ERC2: variants seen among roughly 807,000 people sequenced by gnomAD.
ERC2 encodes ERC protein 2.
A neutral mutation model predicts 114.8 loss-of-function variants in ERC2; 42 were observed. The ratio of observed to expected loss-of-function variants is 0.37; its 90% CI spans 0.29 to 0.47. ERC2 has a LOEUF of 0.47. Ranked by LOEUF, ERC2 falls within the 20% of genes least tolerant of loss-of-function variation. The pLI is 0.99. For missense variants in ERC2, 939 were observed against 1,150.7 expected (o/e 0.82, Z 2.66); for synonymous variants, 454 against 425.5 (o/e 1.07, Z -0.82).
At chr3:55,876,814 G>A (rs984376273) in intron 14 of ERC2, among the ~76,000 whole-genome samples, 1 of 152,176 alleles carries the variant, frequency 6.6e-6, no homozygotes, top group Non-Finnish European at 1.5e-5. Context: ...TCCATCCCCT[G>A]AGGATTTGAA....
chr3:56,066,249 T>A (rs2076476953), intron 7 of ERC2, among the ~76,000 whole-genome samples: 1 of 152,220 alleles, frequency 6.6e-6, no homozygotes, highest in African/African-American at 2.4e-5. Context: ...CTAACCGGCA[T>A]GAGATGGTAG....
chr3:55,583,544 TCTTCCTTCCTTCCTTCCTTCCTTCCTTC>T (rs377125700), intron 17 of ERC2, among the ~76,000 whole-genome samples: 2 of 39,028 alleles, frequency 5.1e-5, no homozygotes, highest in Admixed American at 2.6e-4. Flanking sequence ...TTCCTTCCTT[TCTTCCTTCCTTCCTTCCTTCCTTCCTTC>T]CTTCCTTCCT....
At chr3:56,369,709 G>A (rs901799943) in intron 2 of ERC2, among the ~76,000 whole-genome samples, 2 of 149,674 alleles carry the variant, frequency 1.3e-5, no homozygotes, top group Non-Finnish European at 3.0e-5. Context: ...ACGGAGTCTC[G>A]CTCTTTTGCC....
chr3:56,287,827 A>G (rs1454281350), intron 3 of ERC2, among the ~76,000 whole-genome samples: 1 of 152,162 alleles, frequency 6.6e-6, no homozygotes, highest in Admixed American at 6.5e-5. Context: ...CAAGGCCTCA[A>G]CTTCCCCACC....
intron 12 of ERC2, among the ~76,000 whole-genome samples, chr3:55,979,950 T>C (rs75616908): frequency 1.0e-4 from 15 of 148,438 alleles, no homozygotes; most frequent in South Asian, 4.2e-4. Flanking sequence ...CTCTTCTTCT[T>C]TTTTTTTCTT....
At chr3:55,767,344 C>G (rs2067873507) in intron 14 of ERC2, among the ~76,000 whole-genome samples, 1 of 152,176 alleles carries the variant, frequency 6.6e-6, no homozygotes, top group African/African-American at 2.4e-5. Flanking sequence ...TCCAAAGTGG[C>G]ATGTTTCAGA....
chr3:56,412,834 A>ATATATACTAATATATAT (rs1444300975), intron 2 of ERC2, among the ~76,000 whole-genome samples: 1 of 152,232 alleles, frequency 6.6e-6, no homozygotes, highest in Non-Finnish European at 1.5e-5. Context: ...ATTTTATTCT[A>ATATATACTAATATATAT]ATATCTACTT....
At chr3:56,264,023 A>C (rs1232827455) in intron 3 of ERC2, among the ~76,000 whole-genome samples, 2 of 152,216 alleles carry the variant, frequency 1.3e-5, no homozygotes, top group East Asian at 3.8e-4. Context: ...AATGTGATAC[A>C]TCACATTAAC....
At chr3:56,270,393 TGGTTGTTAAA>T in intron 3 of ERC2, among the ~76,000 whole-genome samples, 1 of 152,202 alleles carries the variant, frequency 6.6e-6, no homozygotes, top group Admixed American at 6.5e-5. Context: ...AGAATGTGTA[TGGTTGTTAAA>T]TATTAAATTC....
chr3:56,395,479 G>A (rs1316278073), intron 2 of ERC2, among the ~76,000 whole-genome samples: 1 of 152,142 alleles, frequency 6.6e-6, no homozygotes, highest in Non-Finnish European at 1.5e-5. Context: ...CCCAATGCTG[G>A]AGGTGGGGTC....
intron 2 of ERC2, among the ~76,000 whole-genome samples, chr3:56,310,762 C>G (rs1484028991): frequency 6.6e-6 from 1 of 152,134 alleles, no homozygotes; most frequent in East Asian, 1.9e-4. Flanking sequence ...CACCTGGGAT[C>G]TTGTCAGAAA....
chr3:55,799,348 C>T (rs955843507), intron 14 of ERC2, among the ~76,000 whole-genome samples: 12 of 146,788 alleles, frequency 8.2e-5, no homozygotes, highest in Admixed American at 2.0e-4. Context: ...GGTATTCTTC[C>T]AGGACCACAA....
intron 15 of ERC2, among the ~76,000 whole-genome samples, chr3:55,701,564 T>C (rs1254371214): frequency 6.6e-6 from 1 of 152,122 alleles, no homozygotes; most frequent in Admixed American, 6.5e-5. Context: ...AAACTGTCTA[T>C]ATGAATAAAA....
intron 4 of ERC2, among the ~76,000 whole-genome samples, chr3:56,170,269 G>A (rs985712726): frequency 6.6e-6 from 1 of 152,194 alleles, no homozygotes; most frequent in Non-Finnish European, 1.5e-5. Context: ...TGCAGTGGAT[G>A]TAATGTCTGC....
At chr3:56,241,446 G>A (rs1299651558) in intron 3 of ERC2, among the ~76,000 whole-genome samples, 1 of 152,106 alleles carries the variant, frequency 6.6e-6, no homozygotes, top group Non-Finnish European at 1.5e-5. Context: ...ACTGTTGGTA[G>A]GAATGTAAAT....
chr3:56,128,872 T>C (rs192082407), intron 6 of ERC2, among the ~76,000 whole-genome samples: 26 of 152,340 alleles, frequency 1.7e-4, no homozygotes, highest in African/African-American at 6.3e-4. Context: ...CAGATCTTAA[T>C]AACCAAACAC....
intron 1 of ERC2, 142 bp from the exon 2 acceptor site, chr3:56,435,289 C>A: frequency 7.4e-4 from 158 of 213,628 alleles, no homozygotes; most frequent in East Asian, 1.1e-3. Context: ...GAGCCACACC[C>A]ATAATGTTGA....
At chr3:56,081,862 G>T (rs1233218029) in intron 6 of ERC2, among the ~76,000 whole-genome samples, 2 of 152,032 alleles carry the variant, frequency 1.3e-5, no homozygotes, top group African/African-American at 4.8e-5. Flanking sequence ...TTTTTAAATT[G>T]TACTTTTTTG....
At chr3:56,044,460 G>A (rs1047421119) in intron 7 of ERC2, among the ~76,000 whole-genome samples, 2 of 151,964 alleles carry the variant, frequency 1.3e-5, no homozygotes, top group South Asian at 2.1e-4. Flanking sequence ...GAAACCTATG[G>A]AGGGAATAAA....
Sources: gnomAD v4.1 joint callset for allele counts (sites outside exome capture counted in the v4.1 genomes callset) on GRCh38, gnomAD v4.1.1 for gene constraint, MANE v1.5 for transcripts, NCBI Gene and HGNC (gene_info 2026-07-23, HGNC 2026-07-21) for gene names.